Variants in CAPN8 observed in about 807,000 individuals in gnomAD.
The protein encoded by CAPN8 is calpain 8.
In CAPN8, 87 loss-of-function variants were observed where a neutral mutation model predicts 80.9. The ratio of observed to expected loss-of-function variants is 1.07; its 90% CI spans 0.90 to 1.28. The LOEUF is 1.28. CAPN8 is among the 50% of genes most tolerant of loss of function. The pLI, the probability that CAPN8 is intolerant of heterozygous loss-of-function variation, is 0.00. For synonymous variants in CAPN8, 299 were observed against 273.8 expected, an observed-to-expected ratio of 1.09 and a Z score of -0.91; for missense variants, 757 against 702.0, an observed-to-expected ratio of 1.08 and a Z score of -0.89.
chr1:223,545,329 G>C, intron 16 of CAPN8, 30 bp from the exon 17 acceptor site: 2 of 1,551,412 alleles, frequency 1.3e-6, no homozygotes, highest in Non-Finnish European at 1.7e-6. Flanking sequence ...ACATGATTGA[G>C]TCCAAATTCT....
intron 18 of CAPN8, 115 bp from the exon 19 acceptor site, chr1:223,544,298 C>A: frequency 1.6e-6 from 1 of 639,782 alleles, no homozygotes. Context: ...TATCAATCTG[C>A]AAACCAGGCC....
chr1:223,656,654 T>C (rs2102737635), intron 1 of CAPN8, among the ~76,000 whole-genome samples: 1 of 147,184 alleles, frequency 6.8e-6, no homozygotes, highest in South Asian at 2.2e-4. Flanking sequence ...TTTATGTACA[T>C]ACACACGTTT....
rs888609899 is a variant in CAPN8 at position 223,556,344 on chromosome 1, C to G, written c.1572+1787G>C. Among the ~76,000 whole-genome samples the G allele has an allele frequency of 4.7e-3, 709 of 152,096 alleles. 7 individuals are homozygous for G. The highest frequency in any genetic ancestry group is 0.016 in the African/African-American group (667 of 41,480). ...GTGTCAGTCACAGCACAGTGGTGCC[C>G]TAAAGAGAAAAAGCAGGGTCTCCCT... On this transcript the variant is annotated intron_variant, in intron 13 of 20. Coordinates refer to ENST00000366872, the MANE Select transcript of CAPN8 (RefSeq NM_001143962.2).
chr1:223,555,921 G>A (rs1437640666), intron 13 of CAPN8, among the ~76,000 whole-genome samples: 1 of 152,162 alleles, frequency 6.6e-6, no homozygotes, highest in Non-Finnish European at 1.5e-5. Flanking sequence ...TGGTGAACAA[G>A]GCGTAGTTTT....
At chr1:223,552,962 A>C (rs1297876554) in intron 14 of CAPN8, among the ~76,000 whole-genome samples, 1 of 152,184 alleles carries the variant, frequency 6.6e-6, no homozygotes, top group East Asian at 1.9e-4. Flanking sequence ...CATCTTTGCA[A>C]GGGTTTTATT....
chr1:223,620,629 G>A (rs985114475), intron 7 of CAPN8, among the ~76,000 whole-genome samples: 1 of 152,160 alleles, frequency 6.6e-6, no homozygotes, highest in Non-Finnish European at 1.5e-5. Context: ...ATGAGTTCTC[G>A]TCACTGGAAA....
chr1:223,618,380 C>A, intron 9 of CAPN8: 1 of 1,470,026 alleles, frequency 6.8e-7, no homozygotes, highest in East Asian at 2.5e-5. Flanking sequence ...ATGCTTTGCA[C>A]CATACTATCT....
rs559218558 is a variant in CAPN8, at chr1:223,615,963, G to C, written c.1311+7C>G. The C allele has an allele frequency of 1.5e-5, 23 of 1,552,160 alleles. No individual in the cohort carries two copies. The African/African-American group carries it at 3.0e-4, about 20-fold the overall frequency. ...TATAATGAAGGACAAACCCAGCACA[G>C]CAGTACCTGGTAGACGGCATAGCCG... On this transcript the variant is annotated splice_region_variant and intron_variant, in intron 10 of 20. Coordinates refer to ENST00000366872, the MANE Select transcript of CAPN8 (RefSeq NM_001143962.2).
chr1:223,651,508 C>G (rs1658340954), intron 2 of CAPN8, among the ~76,000 whole-genome samples: 1 of 152,206 alleles, frequency 6.6e-6, no homozygotes, highest in African/African-American at 2.4e-5. Context: ...AGCCAAGAGA[C>G]TCATACATTT....
At chr1:223,658,757 G>C (rs990298284) in intron 1 of CAPN8, among the ~76,000 whole-genome samples, 1 of 152,148 alleles carries the variant, frequency 6.6e-6, no homozygotes, top group Admixed American at 6.5e-5. Context: ...AGTGAGCCAA[G>C]ATCGCGCCAC....
intron 1 of CAPN8, among the ~76,000 whole-genome samples, chr1:223,661,472 A>T (rs909535564): frequency 6.6e-6 from 1 of 152,154 alleles, no homozygotes; most frequent in African/African-American, 2.4e-5. Flanking sequence ...TCTACTAAAA[A>T]TATAAAAATT....
intron 2 of CAPN8, among the ~76,000 whole-genome samples, chr1:223,645,931 G>A (rs1487332326): frequency 1.3e-5 from 2 of 152,166 alleles, no homozygotes; most frequent in Non-Finnish European, 2.9e-5. Flanking sequence ...GAGCAGGTTT[G>A]GGGCAAGGTA....
At chr1:223,615,917 T>C (rs147011499) in intron 10 of CAPN8, 53 bp downstream of exon 10, 2 of 1,545,548 alleles carry the variant, frequency 1.3e-6, no homozygotes, top group East Asian at 4.9e-5. Context: ...GCCAAGATAT[T>C]CAGCCCCAAA....
intron 9 of CAPN8, 91 bp from the exon 10 acceptor site, chr1:223,616,236 A>G (rs1657184948): frequency 1.5e-6 from 2 of 1,372,292 alleles, no homozygotes; most frequent in African/African-American, 1.5e-5. Context: ...TGATCATCCT[A>G]ATGAATGCAC....
chr1:223,663,082 T>C (rs1202731822), intron 1 of CAPN8, among the ~76,000 whole-genome samples: 1 of 152,192 alleles, frequency 6.6e-6, no homozygotes, highest in Non-Finnish European at 1.5e-5. Flanking sequence ...AGTCCTTCAA[T>C]TGCACCTTCC....
At chr1:223,552,103 T>A (rs1656802309) in intron 14 of CAPN8, among the ~76,000 whole-genome samples, 1 of 152,190 alleles carries the variant, frequency 6.6e-6, no homozygotes, top group South Asian at 2.1e-4. Context: ...CAGCCCCTTA[T>A]TCATCATGTG....
chr1:223,637,027 C>T (rs1221662826), intron 2 of CAPN8, among the ~76,000 whole-genome samples: 4 of 152,198 alleles, frequency 2.6e-5, no homozygotes, highest in African/African-American at 9.7e-5. Flanking sequence ...TTCCCCATGC[C>T]TCAAGTAGAG....
chr1:223,639,297 G>C lies in CAPN8; in HGVS notation c.308-10517C>G, dbSNP rs1032020685. 4.6e-5 allele frequency among the ~76,000 whole-genome samples: 7 copies of C among 152,062 alleles called. No homozygotes were observed. In the South Asian group the frequency reaches 8.3e-4, roughly 18 times the overall value. ...ATTAACAAGATGGCTTTTGGACAGG[G>C]TAAGTTCCTAGAAAATGCAGATGAG... On this transcript the variant is annotated intron_variant, in intron 2 of 20. Coordinates refer to ENST00000366872, the MANE Select transcript of CAPN8 (RefSeq NM_001143962.2).
At chr1:223,620,438 G>T (rs74145935) in intron 7 of CAPN8, among the ~76,000 whole-genome samples, 172 bp from the exon 8 acceptor site, 4,797 of 152,204 alleles carry the variant, frequency 0.032, 182 homozygotes, top group African/African-American at 0.091. Context: ...TCTGGGGAAG[G>T]GACACAGACC....
Sources: gnomAD v4.1 joint callset for allele counts (sites outside exome capture counted in the v4.1 genomes callset) on GRCh38, gnomAD v4.1.1 for gene constraint, MANE v1.5 for transcripts, NCBI Gene and HGNC (gene_info 2026-07-23, HGNC 2026-07-21) for gene names.